EXOC6: variants seen among roughly 807,000 people sequenced by gnomAD.
The protein encoded by EXOC6 is exocyst complex component 6, also known as SEC15-like 1.
In EXOC6, 60 loss-of-function variants were observed where a neutral mutation model predicts 112.5. The ratio of observed to expected loss-of-function variants is 0.53; its 90% CI spans 0.43 to 0.66. EXOC6 has a LOEUF of 0.66. EXOC6 is among the 30% of genes least tolerant of loss of function. The pLI is 0.00. For missense variants in EXOC6, 855 were observed against 957.1 expected, an observed-to-expected ratio of 0.89 and a Z score of 1.41; for synonymous variants, 295 against 308.0, an observed-to-expected ratio of 0.96 and a Z score of 0.44.
chr10:92,973,166 C>T (rs906867253), intron 17 of EXOC6, among the ~76,000 whole-genome samples: 1 of 152,170 alleles, frequency 6.6e-6, no homozygotes, highest in Non-Finnish European at 1.5e-5. Flanking sequence ...TGGAGTCTTC[C>T]AGGGAACCAC....
intron 17 of EXOC6, among the ~76,000 whole-genome samples, chr10:92,956,928 C>T (rs1360167558): frequency 6.6e-6 from 1 of 151,926 alleles, no homozygotes; most frequent in Non-Finnish European, 1.5e-5. Flanking sequence ...GATACTTAGC[C>T]CAGAGCCATT....
chr10:92,834,172 C>T (rs1179973341), upstream of EXOC6, among the ~76,000 whole-genome samples: 1 of 152,052 alleles, frequency 6.6e-6, no homozygotes, highest in African/African-American at 2.4e-5. Flanking sequence ...GACAGGGCAC[C>T]AAGGAATTAG....
At chr10:93,001,499 A>G (rs1843754365) in intron 19 of EXOC6, among the ~76,000 whole-genome samples, 1 of 152,202 alleles carries the variant, frequency 6.6e-6, no homozygotes, top group Admixed American at 6.5e-5. Flanking sequence ...GGTTAGAGTC[A>G]CCACCAGTCT....
At chr10:92,896,167 A>ATTTTTTTTTTTTTTTTTTTT (rs1849785930) in intron 4 of EXOC6, among the ~76,000 whole-genome samples, 1 of 23,460 alleles carries the variant, frequency 4.3e-5, no homozygotes, top group African/African-American at 2.1e-4. Context: ...ATATATATAT[A>ATTTTTTTTTTTTTTTTTTTT]TATATATATA....
intron 20 of EXOC6, among the ~76,000 whole-genome samples, chr10:93,038,566 G>C (rs927238557): frequency 1.1e-4 from 17 of 152,118 alleles, no homozygotes; most frequent in Admixed American, 9.2e-4. Flanking sequence ...ACTTGAATGA[G>C]ACGTATATAT....
intron 6 of EXOC6, among the ~76,000 whole-genome samples, 163 bp from the exon 7 acceptor site, chr10:92,915,592 AAAG>A (rs1484013740): frequency 4.0e-5 from 6 of 149,818 alleles, no homozygotes; most frequent in Non-Finnish European, 8.9e-5. Context: ...TTTTTTAAAA[AAAG>A]GAAATGAGAA....
intron 13 of EXOC6, among the ~76,000 whole-genome samples, chr10:92,946,950 A>G (rs962251518): frequency 1.1e-4 from 16 of 152,242 alleles, no homozygotes; most frequent in African/African-American, 3.9e-4. Context: ...TGTATAGCAC[A>G]ACATTATAGA....
chr10:92,851,598 C>G (rs1258830350), intron 1 of EXOC6, among the ~76,000 whole-genome samples: 1 of 151,476 alleles, frequency 6.6e-6, no homozygotes, highest in Non-Finnish European at 1.5e-5. Flanking sequence ...TGCAGTGAGC[C>G]GAGATTATGC....
chr10:93,056,999 C>T lies in EXOC6; in HGVS notation c.2245C>T (p.Arg749Trp). 6 of 1,593,688 alleles carry T rather than the reference C, an allele frequency of 3.8e-6. No homozygotes were observed. The highest frequency in any genetic ancestry group is 5.1e-6 in the Non-Finnish European group (6 of 1,173,118). ...DYGQPASKYL[R>W]VNPNTALTLL... Reference sequence around the variant, plus strand: ...TGGGCAGCCAGCTTCTAAGTACCTTCGGGTGAATCCAAACACAGCCCTTAC... The same window carrying T: ...TGGGCAGCCAGCTTCTAAGTACCTTTGGGTGAATCCAAACACAGCCCTTAC... The change falls in exon 21 of 22, where the codon CGG becomes TGG. Residue 749 changes from arginine (R) to tryptophan (W), a missense_variant. This residue lies in a region of EXOC6 where 450 missense variants were observed against 563.5 expected (regional missense o/e 0.80). Coordinates refer to ENST00000260762, the MANE Select transcript of EXOC6 (RefSeq NM_019053.6).
upstream of EXOC6, among the ~76,000 whole-genome samples, chr10:92,844,372 T>C (rs1313167392): frequency 6.6e-6 from 1 of 152,174 alleles, no homozygotes; most frequent in Non-Finnish European, 1.5e-5. Flanking sequence ...CACCATGATA[T>C]GTGCTTCCAA....
rs138844760 is a variant in EXOC6 at position 93,050,380 on chromosome 10, G to A, written c.2170-6544G>A. On this transcript the variant is annotated intron_variant, in intron 20 of 21. Transcript: ENST00000260762. Reference sequence around the variant, plus strand: ...AGCCTGGGCAACATGGTGAAACCCCGTCTCTACAAAAAACACAAAAATTAG... The same window carrying A: ...AGCCTGGGCAACATGGTGAAACCCCATCTCTACAAAAAACACAAAAATTAG... Among the ~76,000 whole-genome samples, 361 of 151,290 alleles carry A rather than the reference G, an allele frequency of 2.4e-3. 1 individual carries two copies. The highest frequency in any genetic ancestry group is 8.0e-3 in the African/African-American group (328 of 41,210).
chr10:92,880,312 A>C (rs1801000047), intron 1 of EXOC6, among the ~76,000 whole-genome samples: 1 of 152,228 alleles, frequency 6.6e-6, no homozygotes. Context: ...GCAAGAACAA[A>C]AGTCCATGCA....
chr10:92,851,382 A>T (rs538108141), intron 1 of EXOC6, among the ~76,000 whole-genome samples: 68 of 152,338 alleles, frequency 4.5e-4, no homozygotes, highest in African/African-American at 1.4e-3. Flanking sequence ...GCGGTGGCTC[A>T]CGCCTGTAAT....
intron 18 of EXOC6, among the ~76,000 whole-genome samples, chr10:92,977,453 A>G (rs1365390609): frequency 6.6e-6 from 1 of 152,114 alleles, no homozygotes; most frequent in African/African-American, 2.4e-5. Context: ...ATGATACTGT[A>G]TTCCTACCCA....
chr10:92,958,286 T>C (rs535273353), intron 17 of EXOC6, among the ~76,000 whole-genome samples: 1 of 152,222 alleles, frequency 6.6e-6, no homozygotes, highest in Admixed American at 6.5e-5. Flanking sequence ...AGAAAAAAAA[T>C]GGAAATACCA....
At chr10:92,904,407 C>T (rs1446972672) in intron 5 of EXOC6, among the ~76,000 whole-genome samples, 1 of 152,078 alleles carries the variant, frequency 6.6e-6, no homozygotes, top group East Asian at 1.9e-4. Context: ...TACTATTTTG[C>T]ACTCCCTCCA....
chr10:93,037,903 G>A (rs1488068457), intron 20 of EXOC6, among the ~76,000 whole-genome samples: 2 of 150,872 alleles, frequency 1.3e-5, no homozygotes, highest in Non-Finnish European at 3.0e-5. Flanking sequence ...AGCCGGGCGC[G>A]GTGGCGGGCG....
upstream of EXOC6, among the ~76,000 whole-genome samples, chr10:92,843,976 CAAA>C (rs34641974): frequency 5.3e-5 from 2 of 37,912 alleles, no homozygotes; most frequent in East Asian, 8.1e-4. Flanking sequence ...GACTCTGTCT[CAAA>C]AAAAAAAAAA....
At chr10:92,909,652 G>C in intron 6 of EXOC6, 21 bp downstream of exon 6, 3 of 1,446,578 alleles carry the variant, frequency 2.1e-6, no homozygotes, top group Non-Finnish European at 2.9e-6. Context: ...AAATAATTTT[G>C]ATTTAATATT....
Sources: allele counts gnomAD v4.1 joint callset (sites outside exome capture counted in the v4.1 genomes callset), GRCh38; gene constraint gnomAD v4.1.1; regional missense constraint gnomAD v4.1.1; transcripts MANE v1.5; gene names NCBI Gene and HGNC (gene_info 2026-07-23, HGNC 2026-07-21).